Variants in PDE1C observed in about 807,000 individuals in gnomAD.
The protein encoded by PDE1C is phosphodiesterase 1C, also known as dual specificity calcium/calmodulin-dependent 3',5'-cyclic nucleotide phosphodiesterase 1C.
In PDE1C, 62 loss-of-function variants were observed where a neutral mutation model predicts 93.1. That is an observed-to-expected ratio of 0.67 (90% CI 0.54 to 0.82). The LOEUF (loss-of-function observed/expected upper bound fraction) is 0.82, where lower values mean the gene tolerates loss of function less well. PDE1C is among the 40% of genes least tolerant of loss of function. The pLI is 0.00. For synonymous variants in PDE1C, 325 were observed against 310.1 expected (o/e 1.05, Z -0.50); for missense variants, 742 against 884.6 (o/e 0.84, Z 2.04).
intron 1 of PDE1C, among the ~76,000 whole-genome samples, chr7:32,321,777 C>T (rs1783296249): frequency 6.6e-6 from 1 of 152,156 alleles, no homozygotes; most frequent in Non-Finnish European, 1.5e-5. Flanking sequence ...TCTACGAATG[C>T]TTCCTGAATT....
At chr7:31,658,430 G>A in the PDE1C span, 39 of 1,442,440 alleles carry the variant, frequency 2.7e-5, no homozygotes, top group South Asian at 1.8e-4. Context: ...AGTTTCCAGA[G>A]TATAACACAT....
intron 2 of PDE1C, among the ~76,000 whole-genome samples, chr7:32,005,152 GA>G (rs1055225480): frequency 6.6e-6 from 1 of 152,080 alleles, no homozygotes; most frequent in African/African-American, 2.4e-5. Context: ...GAATTAGACT[GA>G]ATTGATCAAA....
upstream of PDE1C, among the ~76,000 whole-genome samples, chr7:32,072,800 A>G (rs991951879): frequency 2.0e-5 from 3 of 152,222 alleles, no homozygotes; most frequent in Admixed American, 1.3e-4. Context: ...AAACTGAACT[A>G]GAAAAGACCA....
At chr7:32,355,286 C>T (rs12532002) in intron 1 of PDE1C, among the ~76,000 whole-genome samples, 13,259 of 152,256 alleles carry the variant, frequency 0.087, 668 homozygotes, top group East Asian at 0.13. Context: ...ATGGCTGGGA[C>T]CATCTCAGTC....
At chr7:31,783,661 C>T (rs1161034645) in intron 16 of PDE1C, 2 of 151,794 alleles carry the variant, frequency 1.3e-5, no homozygotes, top group Admixed American at 6.6e-5. Flanking sequence ...ACAATAAACA[C>T]ATCATTAATT....
chr7:32,301,309 C>CA (rs945167481), upstream of PDE1C, among the ~76,000 whole-genome samples: 42 of 150,444 alleles, frequency 2.8e-4, no homozygotes, highest in Non-Finnish European at 5.2e-4. Flanking sequence ...AGTAAATTAT[C>CA]AAAAAAAAGA....
chr7:32,036,187 C>A (rs549483925), intron 2 of PDE1C, among the ~76,000 whole-genome samples: 1 of 152,100 alleles, frequency 6.6e-6, no homozygotes, highest in African/African-American at 2.4e-5. Flanking sequence ...ACGCAAGAAA[C>A]AAGGATGAAG....
At chr7:32,166,171 T>C (rs926041146) in intron 3 of PDE1C, among the ~76,000 whole-genome samples, 2 of 152,134 alleles carry the variant, frequency 1.3e-5, no homozygotes, top group African/African-American at 4.8e-5. Context: ...ATTTTATTTG[T>C]CAATTATACC....
chr7:32,174,611 G>A (rs1182273863), intron 2 of PDE1C, among the ~76,000 whole-genome samples: 1 of 152,216 alleles, frequency 6.6e-6, no homozygotes. Context: ...CACAGGGGCA[G>A]TGTCCAGAGA....
intron 5 of PDE1C, among the ~76,000 whole-genome samples, chr7:31,875,015 T>TCAC (rs1796365365): frequency 2.0e-5 from 3 of 152,236 alleles, no homozygotes; most frequent in Non-Finnish European, 4.4e-5. Flanking sequence ...ATATGTGCTG[T>TCAC]GACCCAGGCC....
chr7:31,850,650 A>G lies in PDE1C; in HGVS notation c.842T>C (p.Ile281Thr). The change falls in exon 8 of 18, where the codon ATT becomes ACT. Residue 281 changes from isoleucine to threonine, a missense_variant. By Grantham distance (89) the Ile-to-Thr change is moderately conservative (BLOSUM62 -1). Transcript: ENST00000396191. ...ATTTAAACACCCTCACCGAGTCTGA[A>G]TGTGGAAATTGTTGGTGGTTCCGGT... ...EHTGTTNNFHIQTRSDPAILY... is the reference protein window; with the variant it reads ...EHTGTTNNFHTQTRSDPAILY... 1 of 1,610,234 alleles carries G rather than the reference A, an allele frequency of 6.2e-7. No homozygotes were observed. The highest frequency in any genetic ancestry group is 1.1e-5 in the South Asian group (1 of 91,000).
chr7:31,722,862 C>T, the PDE1C span, among the ~76,000 whole-genome samples: 12 of 152,172 alleles, frequency 7.9e-5, no homozygotes, highest in African/African-American at 1.4e-4. Flanking sequence ...CCCTCCAGTT[C>T]GTTTTCAGTT....
At chr7:32,324,773 A>G (rs1445459931) in intron 1 of PDE1C, among the ~76,000 whole-genome samples, 1 of 152,158 alleles carries the variant, frequency 6.6e-6, no homozygotes, top group Non-Finnish European at 1.5e-5. Flanking sequence ...ACATAGCAAG[A>G]CCTCATCTAT....
At chr7:32,126,842 G>A (rs1259541255) in intron 3 of PDE1C, among the ~76,000 whole-genome samples, 1 of 152,160 alleles carries the variant, frequency 6.6e-6, no homozygotes, top group East Asian at 1.9e-4. Flanking sequence ...GAAGTAAAGT[G>A]TAGAATGAAC....
chr7:32,139,300 C>CTTTTTTTTTTTT (rs34277412), intron 3 of PDE1C, among the ~76,000 whole-genome samples: 3 of 82,922 alleles, frequency 3.6e-5, no homozygotes, highest in Non-Finnish European at 4.4e-5. Flanking sequence ...CAAAATCAAC[C>CTTTTTTTTTTTT]TTTTTTTTTT....
At chr7:31,703,181 C>T in the PDE1C span, among the ~76,000 whole-genome samples, 1 of 152,236 alleles carries the variant, frequency 6.6e-6, no homozygotes, top group African/African-American at 2.4e-5. Context: ...AAACTCTCAA[C>T]AAATGTTAGT....
rs139877893 is a variant in PDE1C, at chr7:32,205,658, C to T, written c.136+3831G>A. On this transcript the variant is annotated intron_variant, in intron 2 of 18. Transcript: ENST00000396193. ...TGCCCTGCAGAAGCTTTGTTCCTTCCCCCTTTGCAATGAATTTTCCTGCTG... is the reference window on the plus strand; with the variant it reads ...TGCCCTGCAGAAGCTTTGTTCCTTCTCCCTTTGCAATGAATTTTCCTGCTG... Among the ~76,000 whole-genome samples, 1,097 of 152,298 alleles carry T rather than the reference C, an allele frequency of 7.2e-3. 7 individuals are homozygous for T. Among genetic ancestry groups the T allele is most frequent in the African/African-American group, 0.025 (1,055 of 41,544 alleles).
At chr7:31,964,832 T>G (rs1373708732) in intron 2 of PDE1C, among the ~76,000 whole-genome samples, 2 of 152,204 alleles carry the variant, frequency 1.3e-5, no homozygotes, top group Non-Finnish European at 2.9e-5. Flanking sequence ...CCGTTGCTGA[T>G]ACCCAGGCAA....
intron 17 of PDE1C, among the ~76,000 whole-genome samples, chr7:31,758,484 T>C (rs1272046581): frequency 3.9e-5 from 6 of 152,300 alleles, no homozygotes; most frequent in Middle Eastern, 3.4e-3. Context: ...TCCCTGCCTT[T>C]ATAGGGCTTC....
Sources: allele counts gnomAD v4.1 joint callset (sites outside exome capture counted in the v4.1 genomes callset), GRCh38; gene constraint gnomAD v4.1.1; transcripts MANE v1.5; gene names NCBI Gene and HGNC (gene_info 2026-07-23, HGNC 2026-07-21).